The following PRKN variants were observed in gnomAD, a reference collection of about 807,000 sequenced individuals.
PRKN encodes the protein E3 ubiquitin-protein ligase parkin.
A neutral mutation model predicts 59.5 loss-of-function variants in PRKN; 56 were observed. The ratio of observed to expected loss-of-function variants is 0.94; its 90% confidence interval spans 0.76 to 1.18. PRKN has a LOEUF of 1.18. Among genes scored for constraint, PRKN ranks in the 50% most tolerant of loss-of-function variants. The probability of loss-of-function intolerance (pLI) is 0.00; values close to 1 mark genes in which losing one functional copy is unlikely to be tolerated. For missense variants in PRKN, 657 were observed against 596.4 expected (o/e 1.10, Z -1.06); for synonymous variants, 250 against 222.1 (o/e 1.13, Z -1.12).
chr6:162,302,282 A>G (rs1190239636), intron 2 of PRKN, among the ~76,000 whole-genome samples: 1 of 151,746 alleles, frequency 6.6e-6, no homozygotes, highest in East Asian at 1.9e-4. Context: ...ATTGTGTATG[A>G]GAGGAATCCA....
chr6:162,128,420 T>C (rs1781206075), intron 4 of PRKN, among the ~76,000 whole-genome samples: 1 of 152,128 alleles, frequency 6.6e-6, no homozygotes, highest in Non-Finnish European at 1.5e-5. Flanking sequence ...TGGATTTTTA[T>C]GGTAGAAGAA....
intron 5 of PRKN, among the ~76,000 whole-genome samples, chr6:161,977,724 T>C (rs1781101539): frequency 6.6e-6 from 1 of 151,074 alleles, no homozygotes; most frequent in Admixed American, 6.6e-5. Context: ...CTTTTTTGTA[T>C]TTTTAGTAGA....
At chr6:162,496,585 TCC>T (rs1429076512) in intron 1 of PRKN, among the ~76,000 whole-genome samples, 5 of 152,324 alleles carry the variant, frequency 3.3e-5, no homozygotes, top group Admixed American at 3.3e-4. Flanking sequence ...TCTCTCTCTC[TCC>T]TTAAACACAT....
chr6:161,752,535 A>G (rs188151126), intron 7 of PRKN, among the ~76,000 whole-genome samples: 4 of 151,980 alleles, frequency 2.6e-5, no homozygotes, highest in African/African-American at 9.7e-5. Flanking sequence ...CTGCATAAAA[A>G]TATAACAATT....
At chr6:162,325,065 A>G (rs1318346418) in intron 2 of PRKN, among the ~76,000 whole-genome samples, 1 of 152,156 alleles carries the variant, frequency 6.6e-6, no homozygotes, top group African/African-American at 2.4e-5. Flanking sequence ...AAATCCATAA[A>G]TACACAAGTA....
chr6:162,577,780 T>G (rs1200743994), intron 1 of PRKN, among the ~76,000 whole-genome samples: 2 of 151,904 alleles, frequency 1.3e-5, no homozygotes, highest in Middle Eastern at 3.4e-3. Context: ...ACTAAAAAAT[T>G]TAGCCAGGCA....
intron 1 of PRKN, among the ~76,000 whole-genome samples, chr6:162,578,828 A>G (rs142002204): frequency 6.6e-6 from 1 of 152,326 alleles, no homozygotes; most frequent in East Asian, 1.9e-4. Context: ...TCTTCAAAAA[A>G]ATCCCATTTA....
intron 4 of PRKN, among the ~76,000 whole-genome samples, chr6:162,078,877 A>T (rs1036309295): frequency 1.2e-4 from 6 of 50,828 alleles, no homozygotes; most frequent in African/African-American, 4.8e-4. Flanking sequence ...TTAATACTTA[A>T]TAATTAATAA....
chr6:162,663,720 A>G (rs1057277060), intron 1 of PRKN, among the ~76,000 whole-genome samples: 1 of 152,108 alleles, frequency 6.6e-6, no homozygotes, highest in African/African-American at 2.4e-5. Flanking sequence ...TATAAAAAAG[A>G]GAAGATAGAA....
intron 1 of PRKN, among the ~76,000 whole-genome samples, chr6:162,515,271 C>G (rs906676497): frequency 4.6e-5 from 7 of 151,934 alleles, no homozygotes; most frequent in Admixed American, 3.3e-4. Context: ...TTAGTAGAAA[C>G]GGGATTTCAC....
In PRKN at chr6:162,472,632, C is replaced by T. The variant is rs1297934492; in HGVS notation, c.8-29159G>A. Reference sequence around the variant, plus strand: ...CCTCCCGAGTAGCTGGGACTACAGGCGCCCGCCACCACGCCCGGCTAATTT... The same window carrying T: ...CCTCCCGAGTAGCTGGGACTACAGGTGCCCGCCACCACGCCCGGCTAATTT... On this transcript the variant is annotated intron_variant, in intron 1 of 11. Transcript: ENST00000366898. Among the ~76,000 whole-genome samples the T allele has an allele frequency of 1.8e-4, 23 of 127,258 alleles. 6 individuals are homozygous for T. The highest frequency in any genetic ancestry group is 1.1e-3 in the East Asian group (4 of 3,648). 83.5% of individuals were successfully genotyped at this position (127,258 alleles called of 152,430 possible).
In PRKN at chr6:161,410,811, C is replaced by T. The variant is rs553938453; in HGVS notation, c.1084-23934G>A. ...TGATGGCAGCAGCCTCAGGTATGGG[C>T]AGAACGTTGAATCCTCAGAATGATA... On this transcript the variant is annotated intron_variant, in intron 9 of 11. Transcript: ENST00000366898. This position sits in a 1 kb window ranked among gnomAD's most constrained non-coding sequence, Gnocchi z 5.3. Among the ~76,000 whole-genome samples the T allele has an allele frequency of 6.6e-6, 1 of 152,028 alleles. No individual in the cohort carries two copies. Among genetic ancestry groups the T allele is most frequent in the African/African-American group, 2.4e-5 (1 of 41,368 alleles).
intron 2 of PRKN, among the ~76,000 whole-genome samples, chr6:162,313,168 T>G (rs1447377608): frequency 6.6e-6 from 1 of 152,120 alleles, no homozygotes. Context: ...TACAGTTCAG[T>G]AGTGCTAAGG....
chr6:162,246,682 T>C (rs1324681434), intron 3 of PRKN, among the ~76,000 whole-genome samples: 2 of 152,164 alleles, frequency 1.3e-5, no homozygotes, highest in Non-Finnish European at 2.9e-5. Context: ...TGATAAGGTT[T>C]CTATTTTACA....
At chr6:162,622,316 T>C (rs534588270) in intron 1 of PRKN, among the ~76,000 whole-genome samples, 2 of 151,772 alleles carry the variant, frequency 1.3e-5, no homozygotes, top group South Asian at 4.2e-4. Flanking sequence ...TTGTTTTTTT[T>C]TGGTAGCAGA....
intron 7 of PRKN, among the ~76,000 whole-genome samples, chr6:161,754,684 G>A (rs1242469173): frequency 6.6e-6 from 1 of 152,122 alleles, no homozygotes; most frequent in Non-Finnish European, 1.5e-5. Flanking sequence ...CTCCCTTAGG[G>A]TCTCACCACT....
At chr6:162,165,412 G>A (rs1262516970) in intron 4 of PRKN, among the ~76,000 whole-genome samples, 2 of 149,200 alleles carry the variant, frequency 1.3e-5, no homozygotes, top group Non-Finnish European at 3.0e-5. Flanking sequence ...ACATACACCT[G>A]ATAAAGTACT....
At chr6:162,525,937 C>T (rs1778261563) in intron 1 of PRKN, among the ~76,000 whole-genome samples, 1 of 152,108 alleles carries the variant, frequency 6.6e-6, no homozygotes, top group Non-Finnish European at 1.5e-5. Context: ...CACTGCAGCC[C>T]CGACCTCCCA....
In PRKN at chr6:161,460,053, T is replaced by C. The variant is rs1790135008; in HGVS notation, c.1084-73176A>G. ...ATCCATTCATCCAACCATTCAACTTTTAATGTGTCCCCACAGGGTGAAGCA... is the reference window on the plus strand; with the variant it reads ...ATCCATTCATCCAACCATTCAACTTCTAATGTGTCCCCACAGGGTGAAGCA... On this transcript the variant is annotated intron_variant, in intron 9 of 11. Transcript: ENST00000366898. The surrounding 1 kb of genome is among the most constrained non-coding windows in gnomAD (Gnocchi z 5.0). 6.6e-6 allele frequency among the ~76,000 whole-genome samples: 1 copy of C among 152,212 alleles called. No individual in the cohort carries two copies. Among genetic ancestry groups the C allele is most frequent in the Admixed American group, 6.5e-5 (1 of 15,278 alleles).
Sources: allele counts gnomAD v4.1 joint callset (sites outside exome capture counted in the v4.1 genomes callset), GRCh38; gene constraint gnomAD v4.1.1; non-coding constraint Gnocchi (gnomAD v3.1); transcripts MANE v1.5; gene names NCBI Gene and HGNC (gene_info 2026-07-23, HGNC 2026-07-21).